NRP2: variants seen among roughly 807,000 people sequenced by gnomAD.
NRP2 encodes the protein neuropilin 2.
Under a neutral mutation model 110.4 loss-of-function variants are expected in NRP2, and 52 were observed. The ratio of observed to expected loss-of-function variants is 0.47; its 90% CI spans 0.38 to 0.59. The LOEUF is 0.59. Ranked by LOEUF, NRP2 falls within the 20% of genes least tolerant of loss-of-function variation. The pLI is 0.00. For missense variants in NRP2, 1,049 were observed against 1,203.0 expected (o/e 0.87, Z 1.89); for synonymous variants, 508 against 468.9 (o/e 1.08, Z -1.08).
At chr2:205,784,397 T>A (rs2058213143) in intron 15 of NRP2, among the ~76,000 whole-genome samples, 1 of 152,202 alleles carries the variant, frequency 6.6e-6, no homozygotes, top group African/African-American at 2.4e-5. Flanking sequence ...AGAACAGGCA[T>A]GAGGATTTCA....
rs372653586 is a variant in NRP2 at position 205,754,697 on chromosome 2, C to G, written c.2044+1722C>G. 8.6e-5 allele frequency among the ~76,000 whole-genome samples: 13 copies of G among 151,924 alleles called. No individual in the cohort carries two copies. The South Asian group carries it at 1.5e-3, about 17-fold the overall frequency. ...CCAATTAATTCATGGTTGTTCCCAACCCCCATGTTTTATCTGAATGTAAAG... is the reference window on the plus strand; with the variant it reads ...CCAATTAATTCATGGTTGTTCCCAAGCCCCATGTTTTATCTGAATGTAAAG... On this transcript the variant is annotated intron_variant, in intron 12 of 16. Transcript: ENST00000357785.
chr2:205,780,256 C>T (rs113287579), intron 15 of NRP2, among the ~76,000 whole-genome samples: 39 of 152,322 alleles, frequency 2.6e-4, no homozygotes, highest in African/African-American at 8.9e-4. Context: ...ATATTCTAGA[C>T]TTCATTTTTG....
chr2:205,690,770 ACT>A (rs1028458975), intron 1 of NRP2, among the ~76,000 whole-genome samples: 1 of 151,900 alleles, frequency 6.6e-6, no homozygotes, highest in Admixed American at 6.6e-5. Flanking sequence ...ACAGAGTGAG[ACT>A]CTGTCTCAAA....
At chr2:205,702,104 T>G (rs997140739) in intron 2 of NRP2, among the ~76,000 whole-genome samples, 4 of 152,182 alleles carry the variant, frequency 2.6e-5, no homozygotes, top group Admixed American at 6.5e-5. Context: ...AGATGCCCAA[T>G]AAGTTAGCAA....
At chr2:205,711,008 A>G (rs1423923503) in intron 2 of NRP2, among the ~76,000 whole-genome samples, 4 of 152,224 alleles carry the variant, frequency 2.6e-5, no homozygotes, top group Non-Finnish European at 5.9e-5. Flanking sequence ...AAAATGTTAT[A>G]TTTCATGTTT....
At chr2:205,774,773 G>T (rs2058073330) in intron 15 of NRP2, among the ~76,000 whole-genome samples, 1 of 152,204 alleles carries the variant, frequency 6.6e-6, no homozygotes, top group Non-Finnish European at 1.5e-5. Flanking sequence ...AGGAATTAGA[G>T]AACACAGACT....
chr2:205,727,930 A>G lies in NRP2; in HGVS notation c.1030A>G (p.Thr344Ala). The part of the protein sequence containing the change: ...RFLTMLTAIA[T>A]QGAISRETQN... ...TTTAACCATGCTCACGGCCATCGCA[A>G]CACAGGGAGCGATTTCCAGGGAAAC... The change falls in exon 7 of 17, where the codon ACA becomes GCA. Residue 344 changes from threonine (T) to alanine (A), a missense_variant. Physicochemically the swap from Thr to Ala is moderately conservative, Grantham distance 58. Coordinates refer to ENST00000357785, the MANE Select transcript of NRP2 (RefSeq NM_003872.3). The G allele has an allele frequency of 6.2e-7, 1 of 1,614,134 alleles. No individual in the cohort carries two copies. Among genetic ancestry groups the G allele is most frequent in the African/African-American group, 1.3e-5 (1 of 75,048 alleles).
intron 1 of NRP2, among the ~76,000 whole-genome samples, 155 bp from the exon 2 acceptor site, chr2:205,697,389 C>T (rs1272749163): frequency 6.7e-6 from 1 of 149,076 alleles, no homozygotes; most frequent in Non-Finnish European, 1.5e-5. Flanking sequence ...TAATCTCTTC[C>T]ACCGAATGAG....
chr2:205,730,397 G>A (rs1348752284), intron 7 of NRP2, among the ~76,000 whole-genome samples: 1 of 152,162 alleles, frequency 6.6e-6, no homozygotes, highest in East Asian at 1.9e-4. Context: ...GGCAGTGGAG[G>A]AAGAGGCTTC....
intron 15 of NRP2, among the ~76,000 whole-genome samples, chr2:205,774,812 G>T (rs1423690296): frequency 1.3e-5 from 2 of 152,168 alleles, no homozygotes; most frequent in East Asian, 3.9e-4. Flanking sequence ...CCTCAGTTCA[G>T]TGTTTGATTC....
At position 205,734,820 on chromosome 2, in the gene NRP2, A is replaced by ATTC. The variant is rs2057314356; in HGVS notation, c.1147-5698_1147-5697insTCT. ...AAAGAAGAGGAACATCTCGTGCACAATGTCTACCCCAGGGCTCCAGCACTG... is the reference window on the plus strand; with the variant it reads ...AAAGAAGAGGAACATCTCGTGCACAATTCTGTCTACCCCAGGGCTCCAGCACTG... On this transcript the variant is annotated intron_variant, in intron 7 of 16. Transcript: ENST00000357785. 2.0e-5 allele frequency among the ~76,000 whole-genome samples: 3 copies of ATTC among 152,296 alleles called. No homozygotes were observed. In the South Asian group the frequency reaches 6.2e-4, roughly 32 times the overall value.
chr2:205,771,208 A>C (rs1194827101), intron 15 of NRP2, among the ~76,000 whole-genome samples: 1 of 152,118 alleles, frequency 6.6e-6, no homozygotes, highest in East Asian at 1.9e-4. Context: ...TACTGAAAAC[A>C]TCCCGGCGCC....
chr2:205,700,892 C>T (rs1394528866), intron 2 of NRP2: 1 of 375,148 alleles, frequency 2.7e-6, no homozygotes, highest in Non-Finnish European at 5.4e-6. Context: ...AAACCAGAGG[C>T]CACTGTGGTA....
intron 9 of NRP2, 53 bp downstream of exon 9, chr2:205,743,605 T>C (rs754004196): frequency 3.1e-6 from 5 of 1,600,500 alleles, no homozygotes; most frequent in South Asian, 1.1e-5. Flanking sequence ...GGAGGCTAAG[T>C]GTGGTACAGG....
chr2:205,716,349 T>C lies in NRP2; in HGVS notation c.408T>C (p.Ser136=). 6.2e-7 allele frequency: 1 copy of C among 1,614,000 alleles called. No individual in the cohort carries two copies. The highest frequency in any genetic ancestry group is 1.7e-4 in the Middle Eastern group (1 of 6,046). ...ACGCCCGGCAGGGGGCAGGCTTCTC[T>C]CTGCGCTACGAGATCTTCAAGACAG... ...SDYARQGAGF[S]LRYEIFKTGS... The change falls in exon 3 of 17, where the codon TCT becomes TCC. Residue 136 remains serine, a synonymous_variant. Transcript: ENST00000357785.
chr2:205,718,610 C>T (rs564477145), intron 3 of NRP2, among the ~76,000 whole-genome samples: 1 of 152,294 alleles, frequency 6.6e-6, no homozygotes, highest in South Asian at 2.1e-4. Context: ...GCCGTCATAC[C>T]CACCTGCTGC....
chr2:205,709,640 C>T (rs1036295753), intron 2 of NRP2, among the ~76,000 whole-genome samples: 19 of 152,184 alleles, frequency 1.2e-4, no homozygotes, highest in Non-Finnish European at 2.1e-4. Context: ...GGTATGTTTC[C>T]GTTAACAGTA....
intron 1 of NRP2, among the ~76,000 whole-genome samples, chr2:205,689,705 T>C (rs1033151677): frequency 2.0e-5 from 3 of 152,166 alleles, no homozygotes; most frequent in Non-Finnish European, 4.4e-5. Context: ...TTCAGTATTC[T>C]TACCTCCTAT....
chr2:205,708,513 G>C (rs959319332), intron 2 of NRP2, among the ~76,000 whole-genome samples: 1 of 152,168 alleles, frequency 6.6e-6, no homozygotes, highest in Non-Finnish European at 1.5e-5. Context: ...TATCAGATGC[G>C]TTGTCTGGAG....
Sources: allele counts gnomAD v4.1 joint callset (sites outside exome capture counted in the v4.1 genomes callset), GRCh38; gene constraint gnomAD v4.1.1; transcripts MANE v1.5; gene names NCBI Gene and HGNC (gene_info 2026-07-23, HGNC 2026-07-21).